Variants in NRXN3 observed in about 807,000 individuals in gnomAD.
The protein encoded by NRXN3 is neurexin 3.
Under a neutral mutation model 137.6 loss-of-function variants are expected in NRXN3, and 32 were observed. That is an observed-to-expected ratio of 0.23 (90% CI 0.18 to 0.31). The LOEUF is 0.31. Among genes scored for constraint, NRXN3 ranks in the 10% least tolerant of loss-of-function variants. NRXN3 has a pLI of 1.00. For missense variants in NRXN3, 1,574 were observed against 2,062.5 expected (o/e 0.76, Z 4.59); for synonymous variants, 798 against 784.5 (o/e 1.02, Z -0.29).
At chr14:78,182,692 A>G (rs564089521) in intron 1 of NRXN3, among the ~76,000 whole-genome samples, 4 of 152,106 alleles carry the variant, frequency 2.6e-5, no homozygotes, top group Non-Finnish European at 5.9e-5. Flanking sequence ...GCTGGTCTCG[A>G]ACTCCCAACC....
At chr14:79,254,283 A>T (rs1018992798) in intron 15 of NRXN3, among the ~76,000 whole-genome samples, 1 of 152,180 alleles carries the variant, frequency 6.6e-6, no homozygotes, top group African/African-American at 2.4e-5. Context: ...GAATATTCTG[A>T]TAATCTCAGT....
At chr14:78,622,383 C>T (rs1467288355) in intron 4 of NRXN3, among the ~76,000 whole-genome samples, 3 of 152,132 alleles carry the variant, frequency 2.0e-5, no homozygotes, top group Non-Finnish European at 4.4e-5. Flanking sequence ...AAGTGAAGTA[C>T]TTTATTATGT....
intron 4 of NRXN3, among the ~76,000 whole-genome samples, chr14:78,461,183 G>A (rs1346733442): frequency 6.6e-6 from 1 of 152,222 alleles, no homozygotes; most frequent in Non-Finnish European, 1.5e-5. Context: ...GTGTGTGCAT[G>A]TGTTCGCATG....
At chr14:79,760,381 C>T (rs1227906369) in intron 19 of NRXN3, among the ~76,000 whole-genome samples, 1 of 148,680 alleles carries the variant, frequency 6.7e-6, no homozygotes, top group African/African-American at 2.5e-5. Context: ...ATTCTTATTT[C>T]TAATTCAAAG....
chr14:79,757,480 C>T (rs2099023734), intron 19 of NRXN3, among the ~76,000 whole-genome samples: 1 of 152,168 alleles, frequency 6.6e-6, no homozygotes, highest in Non-Finnish European at 1.5e-5. Context: ...GATATTATAT[C>T]TGGTGAAATT....
At chr14:78,780,292 C>T (rs1030512574) in intron 8 of NRXN3, among the ~76,000 whole-genome samples, 14 of 151,346 alleles carry the variant, frequency 9.3e-5, no homozygotes, top group African/African-American at 3.4e-4. Context: ...TTTATATCAC[C>T]CATGAAAATA....
At chr14:78,639,531 CTTG>C (rs1024888501) in intron 4 of NRXN3, among the ~76,000 whole-genome samples, 2 of 152,118 alleles carry the variant, frequency 1.3e-5, no homozygotes, top group African/African-American at 4.8e-5. Context: ...CTTTTTTCAG[CTTG>C]TTGTTGAGAA....
chr14:78,816,622 T>C (rs12433223), intron 10 of NRXN3, among the ~76,000 whole-genome samples: 1,631 of 152,332 alleles, frequency 0.011, 22 homozygotes, highest in Middle Eastern at 0.027. Context: ...TATACTTTTG[T>C]TCATTAGTTA....
At chr14:79,558,340 C>CT (rs2097452375) in intron 16 of NRXN3, among the ~76,000 whole-genome samples, 1 of 152,160 alleles carries the variant, frequency 6.6e-6, no homozygotes, top group Non-Finnish European at 1.5e-5. Context: ...TTAGAAGAAT[C>CT]AGTGTCTATG....
chr14:79,858,993 A>C (rs912735938), intron 20 of NRXN3, among the ~76,000 whole-genome samples: 2 of 151,778 alleles, frequency 1.3e-5, no homozygotes, highest in Non-Finnish European at 2.9e-5. Context: ...AAAGAAAAAA[A>C]AAAAAAACAG....
At chr14:79,754,104 G>A (rs1179765534) in intron 19 of NRXN3, among the ~76,000 whole-genome samples, 6 of 151,872 alleles carry the variant, frequency 4.0e-5, no homozygotes, top group East Asian at 1.9e-4. Flanking sequence ...GGTGGATCAC[G>A]TAAGGTTGGG....
chr14:79,149,366 A>G (rs1220136627), intron 15 of NRXN3, among the ~76,000 whole-genome samples: 1 of 151,948 alleles, frequency 6.6e-6, no homozygotes, highest in Non-Finnish European at 1.5e-5. Context: ...GGCTAACAGA[A>G]AAGAGAAGGT....
intron 16 of NRXN3, among the ~76,000 whole-genome samples, chr14:79,483,375 C>A (rs935815978): frequency 6.6e-6 from 1 of 152,182 alleles, no homozygotes; most frequent in Non-Finnish European, 1.5e-5. Flanking sequence ...AATATTCTGC[C>A]TGTGTTTCCA....
At chr14:78,422,650 A>G (rs540236369) in intron 4 of NRXN3, among the ~76,000 whole-genome samples, 12 of 152,322 alleles carry the variant, frequency 7.9e-5, no homozygotes, top group African/African-American at 2.4e-4. Flanking sequence ...ATCAACACCT[A>G]CTTATCCAGT....
chr14:78,253,078 T>A (rs2068906004), intron 2 of NRXN3, among the ~76,000 whole-genome samples: 1 of 151,400 alleles, frequency 6.6e-6, no homozygotes, highest in Non-Finnish European at 1.5e-5. Flanking sequence ...AGCTCTGACC[T>A]GTGGAATCCT....
chr14:78,877,639 G>T (rs1403974128), intron 10 of NRXN3, among the ~76,000 whole-genome samples: 1 of 152,166 alleles, frequency 6.6e-6, no homozygotes, highest in Non-Finnish European at 1.5e-5. Flanking sequence ...TTAATGAATA[G>T]ACAGGCTTTT....
At chr14:79,019,097 A>T (rs888790599) in intron 15 of NRXN3, among the ~76,000 whole-genome samples, 3 of 152,160 alleles carry the variant, frequency 2.0e-5, no homozygotes, top group Admixed American at 2.0e-4. Context: ...CAGATGATGT[A>T]GGGACAAGCA....
chr14:79,687,241 T>G (rs542822953), intron 17 of NRXN3, among the ~76,000 whole-genome samples: 1 of 152,344 alleles, frequency 6.6e-6, no homozygotes, highest in Non-Finnish European at 1.5e-5. Flanking sequence ...CACTTACAAG[T>G]GGCCAAACAT....
chr14:78,412,819 C>T (rs1220098698), intron 4 of NRXN3, among the ~76,000 whole-genome samples: 1 of 152,128 alleles, frequency 6.6e-6, no homozygotes, highest in African/African-American at 2.4e-5. Flanking sequence ...AAGTGATTTC[C>T]TTTGTTGGCC....
Sources: gnomAD v4.1 joint callset for allele counts (sites outside exome capture counted in the v4.1 genomes callset) on GRCh38, gnomAD v4.1.1 for gene constraint, MANE v1.5 for transcripts, NCBI Gene and HGNC (gene_info 2026-07-23, HGNC 2026-07-21) for gene names.